NIPA2: variants seen among roughly 807,000 people sequenced by gnomAD.
The protein encoded by NIPA2 is magnesium transporter NIPA2.
In NIPA2, 11 loss-of-function variants were observed where a neutral mutation model predicts 29.7. That is an observed-to-expected ratio of 0.37 (90% CI 0.23 to 0.61). The LOEUF (loss-of-function observed/expected upper bound fraction) is 0.61. Ranked by LOEUF, NIPA2 falls within the 20% of genes least tolerant of loss-of-function variation. NIPA2 has a pLI of 0.66. For missense variants in NIPA2, 426 were observed against 437.9 expected, an observed-to-expected ratio of 0.97 and a Z score of 0.24; for synonymous variants, 183 against 161.9, an observed-to-expected ratio of 1.13 and a Z score of -0.99.
At chr15:22,844,518 C>T (rs1459647861) in intron 2 of NIPA2, among the ~76,000 whole-genome samples, 1 of 151,674 alleles carries the variant, frequency 6.6e-6, no homozygotes, top group Non-Finnish European at 1.5e-5. Context: ...GGCGCCATCG[C>T]ACTCCAGCCC....
intron 4 of NIPA2, among the ~76,000 whole-genome samples, chr15:22,852,092 A>G (rs17137380): frequency 0.027 from 4,088 of 152,352 alleles, 202 homozygotes; most frequent in East Asian, 0.23. Flanking sequence ...AGTTATCATC[A>G]AAATGGAAAC....
chr15:22,840,558 C>T (rs986120425), intron 2 of NIPA2, among the ~76,000 whole-genome samples: 1 of 152,116 alleles, frequency 6.6e-6, no homozygotes, highest in African/African-American at 2.4e-5. Flanking sequence ...CCTCGACCCC[C>T]CAAAGTGCTG....
intron 3 of NIPA2, among the ~76,000 whole-genome samples, chr15:22,847,645 G>C (rs1899163748): frequency 6.6e-6 from 1 of 151,956 alleles, no homozygotes; most frequent in South Asian, 2.1e-4. Flanking sequence ...TGTATTTTTA[G>C]TAGAGATGGG....
chr15:22,844,867 G>A (rs954611345), intron 2 of NIPA2, among the ~76,000 whole-genome samples: 1 of 152,150 alleles, frequency 6.6e-6, no homozygotes, highest in African/African-American at 2.4e-5. Context: ...GTTATTTTTG[G>A]AATTTTTAAT....
At chr15:22,840,984 AAGAT>A (rs1896938347) in intron 2 of NIPA2, among the ~76,000 whole-genome samples, 1 of 150,980 alleles carries the variant, frequency 6.6e-6, no homozygotes, top group African/African-American at 2.4e-5. Flanking sequence ...ATTGAACAGA[AAGAT>A]AAGACTTCTG....
intron 5 of NIPA2, among the ~76,000 whole-genome samples, chr15:22,857,019 C>A (rs2058227118): frequency 6.6e-6 from 1 of 152,210 alleles, no homozygotes; most frequent in African/African-American, 2.4e-5. Context: ...TGCCATGACA[C>A]ATAGTAGGAT....
At chr15:22,841,558 G>C (rs1293694846) in intron 2 of NIPA2, among the ~76,000 whole-genome samples, 1 of 152,070 alleles carries the variant, frequency 6.6e-6, no homozygotes, top group Admixed American at 6.5e-5. Context: ...GCCCAGGCTA[G>C]AGTGCAGCTG....
intron 5 of NIPA2, among the ~76,000 whole-genome samples, chr15:22,854,619 G>C (rs568005414): frequency 2.4e-4 from 37 of 151,964 alleles, no homozygotes; most frequent in South Asian, 4.2e-4. Flanking sequence ...GGTGGCAGGC[G>C]CCTGTAATCA....
chr15:22,844,269 T>C (rs1415861141), intron 2 of NIPA2, among the ~76,000 whole-genome samples: 1 of 152,150 alleles, frequency 6.6e-6, no homozygotes, highest in Non-Finnish European at 1.5e-5. Context: ...TTGTGAAAAT[T>C]GAACTTGTTG....
chr15:22,842,138 C>T (rs1897254452), intron 2 of NIPA2, among the ~76,000 whole-genome samples: 1 of 152,172 alleles, frequency 6.6e-6, no homozygotes, highest in Non-Finnish European at 1.5e-5. Context: ...GAGATAACCC[C>T]ATGTGGGCTG....
chr15:22,854,800 C>G (rs7179003), intron 5 of NIPA2, among the ~76,000 whole-genome samples: 4 of 151,924 alleles, frequency 2.6e-5, no homozygotes, highest in African/African-American at 4.8e-5. Context: ...GTTGTGCTAT[C>G]AAATACTTGA....
intron 3 of NIPA2, among the ~76,000 whole-genome samples, chr15:22,850,875 T>C (rs1361041364): frequency 1.3e-5 from 2 of 152,238 alleles, no homozygotes; most frequent in Non-Finnish European, 2.9e-5. Flanking sequence ...ATCTGGCAGT[T>C]AGAACCAATC....
Position 22,866,434 on chromosome 15 carries a change from A to T in NIPA2, c.670A>T (p.Ser224Cys), listed in dbSNP as rs374650399. The part of the protein sequence containing the change: ...RHPLAWILLL[S>C]LIVCVSTQIN... ...TCCCCTGGCTTGGATTCTGCTGCTG[A>T]GCCTCATCGTCTGTGTGAGCACACA... Residue 224 changes from serine (S) to cysteine (C), a missense_variant, in exon 8 of 8, where the codon AGC (serine) becomes TGC (cysteine). Transcript: ENST00000337451. The T allele has an allele frequency of 8.1e-5, 130 of 1,613,960 alleles. No homozygotes were observed. The highest frequency in any genetic ancestry group is 1.1e-4 in the Non-Finnish European group (124 of 1,180,006).
At chr15:22,865,530 GAGGA>G (rs905185240) in intron 7 of NIPA2, among the ~76,000 whole-genome samples, 10 of 152,038 alleles carry the variant, frequency 6.6e-5, no homozygotes, top group African/African-American at 2.2e-4. Context: ...AGTGGAATTT[GAGGA>G]AGGAAGAGTA....
chr15:22,853,793 C>T (rs982622850), intron 5 of NIPA2, among the ~76,000 whole-genome samples: 1 of 152,166 alleles, frequency 6.6e-6, no homozygotes. Context: ...TCCATCCCCT[C>T]AACAATTTAT....
intron 3 of NIPA2, among the ~76,000 whole-genome samples, chr15:22,846,934 G>A (rs1285912462): frequency 6.8e-6 from 1 of 146,674 alleles, no homozygotes; most frequent in Admixed American, 6.9e-5. Flanking sequence ...ACCGAGTTTC[G>A]CTCTTGTTGC....
intron 7 of NIPA2, among the ~76,000 whole-genome samples, chr15:22,863,087 T>A (rs553599513): frequency 3.3e-5 from 3 of 92,132 alleles, no homozygotes; most frequent in African/African-American, 1.2e-4. Flanking sequence ...TTTTCTTTGT[T>A]TTTTTTTTTT....
At chr15:22,862,387 G>GAATA (rs1237099517) in intron 7 of NIPA2, among the ~76,000 whole-genome samples, 1 of 152,060 alleles carries the variant, frequency 6.6e-6, no homozygotes, top group Non-Finnish European at 1.5e-5. Context: ...GAACTGAATT[G>GAATA]AATACTCCTT....
At chr15:22,852,011 T>G in intron 4 of NIPA2, 141 bp downstream of exon 4, 1 of 736,474 alleles carries the variant, frequency 1.4e-6, no homozygotes, top group Non-Finnish European at 2.2e-6. Context: ...GTTTACAAAG[T>G]TGATGTTTGG....
Sources: allele counts gnomAD v4.1 joint callset (sites outside exome capture counted in the v4.1 genomes callset), GRCh38; gene constraint gnomAD v4.1.1; transcripts MANE v1.5; gene names NCBI Gene and HGNC (gene_info 2026-07-23, HGNC 2026-07-21).